The following TACC2 variants were observed in gnomAD, a reference collection of about 807,000 sequenced individuals.
The protein encoded by TACC2 is transforming acidic coiled-coil containing protein 2, also known as transforming acidic coiled-coil-containing protein 2.
Under a neutral mutation model 227.3 loss-of-function variants are expected in TACC2, and 137 were observed. The ratio of observed to expected loss-of-function variants is 0.60; its 90% confidence interval spans 0.52 to 0.69. The LOEUF (loss-of-function observed/expected upper bound fraction) is 0.69, where lower values mean the gene tolerates loss of function less well. Among genes scored for constraint, TACC2 ranks in the 30% least tolerant of loss-of-function variants. The pLI is 0.00. For synonymous variants in TACC2, 1,523 were observed against 1,487.5 expected (o/e 1.02, Z -0.55); for missense variants, 3,470 against 3,694.4 (o/e 0.94, Z 1.57).
chr10:122,015,470 A>G (rs1225925868), intron 1 of TACC2, among the ~76,000 whole-genome samples: 1 of 151,560 alleles, frequency 6.6e-6, no homozygotes, highest in African/African-American at 2.4e-5. Context: ...GTGCCACTGC[A>G]CTCCAGCCTA....
chr10:122,235,117 C>T (rs184308027), intron 16 of TACC2, among the ~76,000 whole-genome samples: 107 of 152,300 alleles, frequency 7.0e-4, no homozygotes, highest in African/African-American at 2.6e-3. Flanking sequence ...GACAGAGTCT[C>T]ACTCTGTCAC....
At position 122,153,486 on chromosome 10, in the gene TACC2, C is replaced by G. The variant is rs7077947; in HGVS notation, c.5834+9780C>G. On this transcript the variant is annotated intron_variant, in intron 7 of 22. Transcript: ENST00000369005. ...CATATCTGTGGACTCCTCCAGGAAG[C>G]CTTCCAGCTTCTAACTCTGCTGCCT... Among the ~76,000 whole-genome samples the G allele has an allele frequency of 3.2e-3, 490 of 152,320 alleles. 1 individual carries two copies. Among genetic ancestry groups the G allele is most frequent in the African/African-American group, 0.011 (451 of 41,558 alleles).
At chr10:122,082,244 G>A (rs1482939037) in intron 3 of TACC2, among the ~76,000 whole-genome samples, 1 of 152,230 alleles carries the variant, frequency 6.6e-6, no homozygotes, top group East Asian at 1.9e-4. Flanking sequence ...GGAGGCCTAA[G>A]CTGCAGTAAG....
At chr10:122,185,714 A>G (rs910621567) in intron 7 of TACC2, among the ~76,000 whole-genome samples, 1 of 152,126 alleles carries the variant, frequency 6.6e-6, no homozygotes, top group Admixed American at 6.5e-5. Flanking sequence ...TTGAACAGAA[A>G]TGTTTGTGTT....
chr10:122,158,117 G>A (rs1054207645), intron 7 of TACC2, among the ~76,000 whole-genome samples: 2 of 152,088 alleles, frequency 1.3e-5, no homozygotes, highest in African/African-American at 4.8e-5. Context: ...GAGATTACAG[G>A]TGGCTCACAC....
intron 1 of TACC2, among the ~76,000 whole-genome samples, chr10:122,007,565 T>C (rs1955333178): frequency 6.6e-6 from 1 of 152,216 alleles, no homozygotes; most frequent in Admixed American, 6.5e-5. Flanking sequence ...TCCGTTTTTA[T>C]GGCACTGAGG....
At chr10:122,099,200 C>T (rs150361092) in intron 5 of TACC2, among the ~76,000 whole-genome samples, 239 of 152,324 alleles carry the variant, frequency 1.6e-3, no homozygotes, top group African/African-American at 5.4e-3. Flanking sequence ...AACATAATAG[C>T]TGGAGGAGTA....
chr10:122,228,273 C>T (rs1045092481), intron 14 of TACC2, among the ~76,000 whole-genome samples: 1 of 152,200 alleles, frequency 6.6e-6, no homozygotes, highest in African/African-American at 2.4e-5. Flanking sequence ...CCATTTTTTG[C>T]CACTTAGGAC....
intron 3 of TACC2, 136 bp from the exon 4 acceptor site, chr10:122,082,509 TGA>T (rs1254802661): frequency 4.4e-6 from 4 of 903,612 alleles, no homozygotes; most frequent in Non-Finnish European, 6.8e-6. Flanking sequence ...CAGAGAGGAA[TGA>T]GCTGCATGAG....
chr10:122,066,324 A>G (rs1173647121), intron 3 of TACC2, among the ~76,000 whole-genome samples: 3 of 150,086 alleles, frequency 2.0e-5, no homozygotes, highest in East Asian at 2.0e-4. Flanking sequence ...GCTGGAGTAC[A>G]GTGGCACAGT....
intron 3 of TACC2, among the ~76,000 whole-genome samples, chr10:122,063,208 C>A (rs1196345279): frequency 6.6e-6 from 1 of 152,262 alleles, no homozygotes; most frequent in Non-Finnish European, 1.5e-5. Context: ...GTGTTTTGCA[C>A]ATCGGCCCGG....
intron 1 of TACC2, among the ~76,000 whole-genome samples, chr10:121,996,654 A>G (rs1417047908): frequency 6.6e-6 from 1 of 152,204 alleles, no homozygotes; most frequent in African/African-American, 2.4e-5. Context: ...CATGAGGTGT[A>G]GAATGACCAC....
At chr10:122,088,653 G>T (rs773348562) in intron 5 of TACC2, 62 bp downstream of exon 5, 29 of 1,574,586 alleles carry the variant, frequency 1.8e-5, no homozygotes, top group Non-Finnish European at 2.5e-5. Context: ...AGACACACTG[G>T]ATGTTTTGGA....
At chr10:122,039,645 G>A (rs933995524) in intron 2 of TACC2, among the ~76,000 whole-genome samples, 3 of 152,128 alleles carry the variant, frequency 2.0e-5, no homozygotes, top group Admixed American at 6.5e-5. Context: ...GCAGTGAGCC[G>A]GCAGTTTATT....
chr10:122,120,069 A>G (rs1470149089), intron 5 of TACC2, among the ~76,000 whole-genome samples: 1 of 152,180 alleles, frequency 6.6e-6, no homozygotes, highest in Non-Finnish European at 1.5e-5. Flanking sequence ...CGGAAACAAC[A>G]GTAGTCCAAT....
At position 122,203,901 on chromosome 10, in the gene TACC2, A is replaced by G. The variant is rs1224064279; in HGVS notation, c.5972-6496A>G. Among the ~76,000 whole-genome samples the G allele has an allele frequency of 2.6e-5, 4 of 152,126 alleles. No individual in the cohort carries two copies. In the East Asian group the frequency reaches 7.8e-4, roughly 30 times the overall value. ...CTGAGTGAACGAGACTCCGTCTGCA[A>G]TCCCGGCACCTCGGGAGGCCGAGGC... On this transcript the variant is annotated intron_variant, in intron 8 of 22. Coordinates refer to ENST00000369005, the MANE Select transcript of TACC2 (RefSeq NM_206862.4).
rs1031378520 is a variant in TACC2, at chr10:122,210,445, CGGT to C, written c.6023_6025del (p.Val2008del). The C allele has an allele frequency of 4.3e-6, 7 of 1,613,994 alleles. No individual in the cohort carries two copies. Among genetic ancestry groups the C allele is most frequent in the Non-Finnish European group, 5.9e-6 (7 of 1,180,030 alleles). ...GTCCCTGATGGCCCACGGAGCGACT[CGGT>C]GGAAGGAAGTCCCTTCCGTCCCCCG... is the stretch of plus-strand genomic sequence containing the variant. On this transcript the variant is annotated inframe_deletion, in exon 9 of 23. Transcript: ENST00000369005. This position sits in a 1 kb window ranked among gnomAD's most constrained non-coding sequence, Gnocchi z 4.6.
At chr10:122,208,178 A>G (rs1162572662) in intron 8 of TACC2, among the ~76,000 whole-genome samples, 2 of 152,204 alleles carry the variant, frequency 1.3e-5, no homozygotes, top group Non-Finnish European at 2.9e-5. Flanking sequence ...TGCTCCAGGT[A>G]GGCCCTGGGT....
chr10:121,998,112 C>G (rs1370125187), intron 1 of TACC2, among the ~76,000 whole-genome samples: 1 of 152,046 alleles, frequency 6.6e-6, no homozygotes. Flanking sequence ...GAGTTTGAGA[C>G]CATCCTGGCC....
Sources: allele counts gnomAD v4.1 joint callset (sites outside exome capture counted in the v4.1 genomes callset), GRCh38; gene constraint gnomAD v4.1.1; non-coding constraint Gnocchi (gnomAD v3.1); transcripts MANE v1.5; gene names NCBI Gene and HGNC (gene_info 2026-07-23, HGNC 2026-07-21).